PRUNE2: variants seen among roughly 807,000 people sequenced by gnomAD.
The protein encoded by PRUNE2 is prune homolog 2 with BCH domain.
PRUNE2 carries 164 observed loss-of-function variants against 252.0 expected under a neutral mutation model. The observed-to-expected ratio is 0.65, with a 90% CI of 0.57 to 0.74. The LOEUF is 0.74. PRUNE2 is among the 30% of genes least tolerant of loss of function. The pLI is 0.00. For missense variants in PRUNE2, 3,495 were observed against 3,711.0 expected, an observed-to-expected ratio of 0.94 and a Z score of 1.51; for synonymous variants, 1,292 against 1,350.2, an observed-to-expected ratio of 0.96 and a Z score of 0.94.
At chr9:76,793,587 T>G (rs1311619438) in intron 6 of PRUNE2, among the ~76,000 whole-genome samples, 1 of 152,130 alleles carries the variant, frequency 6.6e-6, no homozygotes, top group East Asian at 1.9e-4. Flanking sequence ...AAACCAGAAA[T>G]AACTGTGAAG....
Position 76,704,900 on chromosome 9 carries a change from C to CAG in PRUNE2, c.7372_7373dup (p.His2459CysfsTer14). The CAG allele has an allele frequency of 6.2e-7, 1 of 1,610,086 alleles. No homozygotes were observed. On this transcript the variant is annotated frameshift_variant, in exon 8 of 19. Coordinates refer to ENST00000376718, the MANE Select transcript of PRUNE2 (RefSeq NM_015225.3). LOFTEE classifies it high-confidence loss of function. ...CGGACTCAGGGTCTTCACGAATATG[C>CAG]AGCACAGCCAGCTGGGATCCAGGCA...
intron 6 of PRUNE2, among the ~76,000 whole-genome samples, chr9:76,779,232 C>CTT (rs5898506): frequency 0.062 from 8,918 of 144,828 alleles, 737 homozygotes; most frequent in African/African-American, 0.19. Context: ...AAAACTTAGA[C>CTT]TTTTTTTTTT....
At chr9:76,816,163 C>CA (rs71354684) in intron 6 of PRUNE2, among the ~76,000 whole-genome samples, 25,342 of 84,566 alleles carry the variant, frequency 0.3, 2,904 homozygotes, top group Non-Finnish European at 0.37. Flanking sequence ...ACTCCATCTC[C>CA]AAAAAAAAAA....
intron 9 of PRUNE2, among the ~76,000 whole-genome samples, chr9:76,698,726 C>A (rs1457159553): frequency 7.9e-5 from 12 of 152,168 alleles, no homozygotes; most frequent in African/African-American, 2.9e-4. Context: ...CAGAAAAAGT[C>A]TGACTTCACG....
intron 9 of PRUNE2, among the ~76,000 whole-genome samples, chr9:76,689,040 C>G (rs955705565): frequency 5.9e-5 from 9 of 152,136 alleles, no homozygotes; most frequent in African/African-American, 2.2e-4. Context: ...CTTTAAGCAC[C>G]CAGAGCCCCA....
intron 16 of PRUNE2, among the ~76,000 whole-genome samples, chr9:76,626,101 T>C (rs1354151173): frequency 6.6e-6 from 1 of 152,230 alleles, no homozygotes; most frequent in Non-Finnish European, 1.5e-5. Context: ...TATTGATTGA[T>C]TGATGAAAAC....
chr9:76,652,488 C>G lies in PRUNE2; in HGVS notation c.8552G>C (p.Gly2851Ala). The G allele has an allele frequency of 6.2e-7, 1 of 1,610,962 alleles. No individual in the cohort carries two copies. Among genetic ancestry groups the G allele is most frequent in the Non-Finnish European group, 8.5e-7 (1 of 1,177,512 alleles). Residue 2851 changes from glycine to alanine, a missense_variant, in exon 11 of 19, where the codon GGC (glycine) becomes GCC (alanine). Coordinates refer to ENST00000376718, the MANE Select transcript of PRUNE2 (RefSeq NM_015225.3). ...TTGCCAACTTAGTGACTTACCATGGCCAGTGTACTCAAAAGAATCTGCTTC... is the reference window on the plus strand; with the variant it reads ...TTGCCAACTTAGTGACTTACCATGGGCAGTGTACTCAAAAGAATCTGCTTC... ...PDEADSFEYT[G>A]HDPTANKDSG...
At chr9:76,781,862 GA>G (rs1349814315) in intron 6 of PRUNE2, among the ~76,000 whole-genome samples, 1 of 152,182 alleles carries the variant, frequency 6.6e-6, no homozygotes, top group Non-Finnish European at 1.5e-5. Context: ...ACAGCAAAAT[GA>G]ATGGAGATGT....
chr9:76,821,942 T>C (rs1243105655), intron 6 of PRUNE2, among the ~76,000 whole-genome samples: 2 of 152,182 alleles, frequency 1.3e-5, no homozygotes, highest in East Asian at 1.9e-4. Context: ...AGACATTCTA[T>C]GTTAATTTAG....
chr9:76,811,893 G>A (rs920428449), intron 6 of PRUNE2, among the ~76,000 whole-genome samples: 23 of 152,200 alleles, frequency 1.5e-4, no homozygotes, highest in African/African-American at 5.3e-4. Context: ...CTAGAAGGCA[G>A]TACAGTACTA....
At chr9:76,819,955 A>C (rs2057939517) in intron 6 of PRUNE2, among the ~76,000 whole-genome samples, 1 of 152,200 alleles carries the variant, frequency 6.6e-6, no homozygotes, top group Non-Finnish European at 1.5e-5. Flanking sequence ...TTTGATATCC[A>C]TAAATTCTCT....
At chr9:76,842,013 C>T (rs2059418791) in intron 4 of PRUNE2, among the ~76,000 whole-genome samples, 1 of 151,990 alleles carries the variant, frequency 6.6e-6, no homozygotes, top group African/African-American at 2.4e-5. Flanking sequence ...CATATGGAAC[C>T]AAAAAAGAAC....
chr9:76,903,680 G>A lies in PRUNE2; in HGVS notation c.36+2248C>T, dbSNP rs181607854. ...TCGACTCACTGCAACCTCCGCCTCC[G>A]AGGTTCAAGTGATTCTCCTGCCTCT... On this transcript the variant is annotated intron_variant, in intron 1 of 18. Coordinates refer to ENST00000376718, the MANE Select transcript of PRUNE2 (RefSeq NM_015225.3). Among the ~76,000 whole-genome samples the A allele has an allele frequency of 6.8e-3, 1,036 of 152,124 alleles. 11 individuals carry two copies. Among genetic ancestry groups the A allele is most frequent in the African/African-American group, 0.022 (916 of 41,512 alleles).
chr9:76,894,397 C>T lies in PRUNE2; in HGVS notation c.36+11531G>A, dbSNP rs548834777. Among the ~76,000 whole-genome samples the T allele has an allele frequency of 7.9e-5, 12 of 152,246 alleles. No homozygotes were observed. The South Asian group carries it at 1.2e-3, about 16-fold the overall frequency. On this transcript the variant is annotated intron_variant, in intron 1 of 18. Transcript: ENST00000376718. ...GAATGGGGGACAGAACGGGATTTGC[C>T]CCTTCTTGCCTCCTTGGAGAGAGGA... is the stretch of plus-strand genomic sequence containing the variant.
chr9:76,850,095 C>CTGGA (rs1307476479), intron 3 of PRUNE2, among the ~76,000 whole-genome samples: 1 of 152,102 alleles, frequency 6.6e-6, no homozygotes, highest in African/African-American at 2.4e-5. Context: ...TTCATCCAGG[C>CTGGA]TGGAGTGCAG....
chr9:76,811,476 A>T (rs2057352274), intron 6 of PRUNE2, among the ~76,000 whole-genome samples: 1 of 152,208 alleles, frequency 6.6e-6, no homozygotes, highest in South Asian at 2.1e-4. Flanking sequence ...AGATACCAAC[A>T]GTTATTGGTA....
At chr9:76,872,600 A>AACACAC (rs71354690) in intron 1 of PRUNE2, among the ~76,000 whole-genome samples, 9,030 of 139,234 alleles carry the variant, frequency 0.065, 298 homozygotes, top group Non-Finnish European at 0.081. Flanking sequence ...GATTATGGAA[A>AACACAC]ACACACACAC....
At chr9:76,770,444 C>G (rs569144712) in intron 6 of PRUNE2, among the ~76,000 whole-genome samples, 4 of 152,138 alleles carry the variant, frequency 2.6e-5, no homozygotes, top group Non-Finnish European at 5.9e-5. Context: ...ATGTTAATGG[C>G]TTTTTCAAAT....
intron 6 of PRUNE2, among the ~76,000 whole-genome samples, chr9:76,716,843 C>G (rs1192255905): frequency 6.8e-6 from 1 of 146,426 alleles, no homozygotes; most frequent in Non-Finnish European, 1.5e-5. Flanking sequence ...CCAGTGTGTG[C>G]TGTTCCCCTC....
Sources: allele counts gnomAD v4.1 joint callset (sites outside exome capture counted in the v4.1 genomes callset), GRCh38; gene constraint gnomAD v4.1.1; transcripts MANE v1.5; gene names NCBI Gene and HGNC (gene_info 2026-07-23, HGNC 2026-07-21).